Variants in ADGRB3 observed in about 807,000 individuals in gnomAD.
The protein encoded by ADGRB3 is adhesion G protein-coupled receptor B3, also known as brain-specific angiogenesis inhibitor 3.
ADGRB3 carries 37 observed loss-of-function variants against 193.4 expected under a neutral mutation model. The ratio of observed to expected loss-of-function variants is 0.19; its 90% CI spans 0.15 to 0.25. The LOEUF (loss-of-function observed/expected upper bound fraction) is 0.25. Among genes scored for constraint, ADGRB3 ranks in the 10% least tolerant of loss-of-function variants. ADGRB3 has a pLI of 1.00. For synonymous variants in ADGRB3, 690 were observed against 644.2 expected (o/e 1.07, Z -1.08); for missense variants, 1,637 against 1,852.9 (o/e 0.88, Z 2.14).
intron 3 of ADGRB3, among the ~76,000 whole-genome samples, chr6:68,705,083 G>T (rs577129982): frequency 1.3e-5 from 2 of 152,174 alleles, no homozygotes; most frequent in Admixed American, 6.5e-5. Flanking sequence ...GAATGTTCTT[G>T]CTTCCTTTTT....
chr6:69,108,549 G>T (rs1017600871), intron 17 of ADGRB3, among the ~76,000 whole-genome samples: 1 of 152,104 alleles, frequency 6.6e-6, no homozygotes, highest in Admixed American at 6.5e-5. Flanking sequence ...CTTATTTTGT[G>T]TGTGTGTGTT....
chr6:68,965,630 T>G (rs1484244801), intron 8 of ADGRB3, among the ~76,000 whole-genome samples: 1 of 152,174 alleles, frequency 6.6e-6, no homozygotes, highest in Non-Finnish European at 1.5e-5. Context: ...AGCTAATCAC[T>G]AGGTAATTGC....
intron 19 of ADGRB3, among the ~76,000 whole-genome samples, chr6:69,237,075 C>T (rs1390961627): frequency 6.6e-6 from 1 of 151,902 alleles, no homozygotes; most frequent in Admixed American, 6.6e-5. Flanking sequence ...AGTTTATAAG[C>T]GCCTACAGAA....
chr6:68,926,836 C>G (rs1389218718), intron 3 of ADGRB3, among the ~76,000 whole-genome samples: 1 of 152,074 alleles, frequency 6.6e-6, no homozygotes, highest in Admixed American at 6.6e-5. Context: ...AATTGACTAT[C>G]AAAAGTCAAA....
chr6:68,834,190 C>G (rs372729168), intron 3 of ADGRB3, among the ~76,000 whole-genome samples: 28 of 152,068 alleles, frequency 1.8e-4, no homozygotes, highest in East Asian at 1.5e-3. Flanking sequence ...ATTTTTCAGT[C>G]TATATAATAC....
At chr6:69,126,439 C>T (rs907728580) in intron 17 of ADGRB3, among the ~76,000 whole-genome samples, 1 of 152,168 alleles carries the variant, frequency 6.6e-6, no homozygotes, top group Non-Finnish European at 1.5e-5. Context: ...CCACTGCTGT[C>T]GTTCTCAGGC....
intron 3 of ADGRB3, among the ~76,000 whole-genome samples, chr6:68,930,023 C>T (rs1216380328): frequency 6.7e-6 from 1 of 150,316 alleles, no homozygotes; most frequent in African/African-American, 2.5e-5. Flanking sequence ...CACTATATTC[C>T]ATGAGCCTTT....
chr6:69,182,832 A>T (rs779488), intron 17 of ADGRB3, among the ~76,000 whole-genome samples: 21,496 of 151,968 alleles, frequency 0.14, 1,582 homozygotes, highest in Middle Eastern at 0.16. Flanking sequence ...GGCTATCATC[A>T]TAACATTGCT....
chr6:69,166,096 G>A (rs181288149), intron 17 of ADGRB3, among the ~76,000 whole-genome samples: 1 of 152,182 alleles, frequency 6.6e-6, no homozygotes, highest in East Asian at 1.9e-4. Context: ...CCACATTTCA[G>A]CAAGGCAGGT....
chr6:69,014,103 A>G lies in ADGRB3; in HGVS notation c.1995A>G (p.Gln665=), dbSNP rs1041035221. The stretch of plus-strand genomic sequence containing the variant: ...ACAAGGAAAAATGGGAAGATGCACA[A>G]CAGGTAAGGTTAGGGTTATTTCAGA... The part of the protein sequence containing the change: ...EENKEKWEDA[Q]QIYPGSIELM... Residue 665 remains glutamine, a synonymous_variant, in exon 12 of 32, where the codon CAA becomes CAG. Coordinates refer to ENST00000370598, the MANE Select transcript of ADGRB3 (RefSeq NM_001704.3). 3.1e-6 allele frequency: 5 copies of G among 1,602,054 alleles called. No homozygotes were observed. Among genetic ancestry groups the G allele is most frequent in the Non-Finnish European group, 4.3e-6 (5 of 1,172,568 alleles).
intron 27 of ADGRB3, among the ~76,000 whole-genome samples, chr6:69,355,354 C>G (rs1242797544): frequency 6.6e-6 from 1 of 152,068 alleles, no homozygotes; most frequent in Admixed American, 6.6e-5. Flanking sequence ...TTAGAAGAGC[C>G]TAGTTTGAGC....
At chr6:68,648,181 C>T (rs1258189817) in intron 3 of ADGRB3, among the ~76,000 whole-genome samples, 2 of 152,094 alleles carry the variant, frequency 1.3e-5, no homozygotes, top group African/African-American at 2.4e-5. Flanking sequence ...GTAACAAATG[C>T]ACTAAATACA....
At chr6:69,093,495 A>AT (rs1772774843) in intron 17 of ADGRB3, among the ~76,000 whole-genome samples, 1 of 150,520 alleles carries the variant, frequency 6.6e-6, no homozygotes, top group South Asian at 2.1e-4. Context: ...AACTTTGTTC[A>AT]TAGATAGAGT....
chr6:68,826,062 AT>A (rs1767838461), intron 3 of ADGRB3, among the ~76,000 whole-genome samples: 2 of 151,564 alleles, frequency 1.3e-5, no homozygotes, highest in African/African-American at 2.4e-5. Context: ...CAGCAGATAT[AT>A]TTTGAATACT....
At chr6:69,315,519 C>T (rs1286965181) in intron 20 of ADGRB3, among the ~76,000 whole-genome samples, 1 of 151,434 alleles carries the variant, frequency 6.6e-6, no homozygotes, top group African/African-American at 2.4e-5. Context: ...CTTATTTCAT[C>T]TTCATAATAA....
chr6:68,889,130 A>G (rs1247523417), intron 3 of ADGRB3, among the ~76,000 whole-genome samples: 1 of 152,232 alleles, frequency 6.6e-6, no homozygotes, highest in Non-Finnish European at 1.5e-5. Context: ...ACACAAAAGT[A>G]TAAATTGTTT....
At chr6:68,997,697 T>G (rs1302188779) in intron 11 of ADGRB3, among the ~76,000 whole-genome samples, 1 of 151,436 alleles carries the variant, frequency 6.6e-6, no homozygotes, top group African/African-American at 2.4e-5. Context: ...AATTATGAAT[T>G]AGGATCATAA....
intron 3 of ADGRB3, among the ~76,000 whole-genome samples, chr6:68,708,205 AAAT>A (rs1765356997): frequency 6.6e-6 from 1 of 152,182 alleles, no homozygotes; most frequent in African/African-American, 2.4e-5. Flanking sequence ...CTTCCAATAA[AAAT>A]AATAATAATA....
chr6:68,753,392 C>T (rs746552757), intron 3 of ADGRB3, among the ~76,000 whole-genome samples: 5 of 152,060 alleles, frequency 3.3e-5, no homozygotes, highest in Admixed American at 1.3e-4. Context: ...AGAATTAAGC[C>T]GCGAAGTAGT....
Sources: gnomAD v4.1 joint callset for allele counts (sites outside exome capture counted in the v4.1 genomes callset) on GRCh38, gnomAD v4.1.1 for gene constraint, MANE v1.5 for transcripts, NCBI Gene and HGNC (gene_info 2026-07-23, HGNC 2026-07-21) for gene names.